NBPF3: variants seen among roughly 807,000 people sequenced by gnomAD.
NBPF3 encodes NBPF member 3.
NBPF3 carries 57 observed loss-of-function variants against 78.1 expected under a neutral mutation model. The observed-to-expected ratio is 0.73, with a 90% CI of 0.59 to 0.91. The LOEUF is 0.91. Among genes scored for constraint, NBPF3 ranks in the 40% least tolerant of loss-of-function variants. NBPF3 has a pLI of 0.00. For synonymous variants in NBPF3, 182 were observed against 271.7 expected (o/e 0.67, Z 3.25); for missense variants, 510 against 715.3 (o/e 0.71, Z 3.27).
chr1:21,471,185 C>T (rs1188978342), intron 4 of NBPF3, among the ~76,000 whole-genome samples: 1 of 152,204 alleles, frequency 6.6e-6, no homozygotes, highest in African/African-American at 2.4e-5. Flanking sequence ...CACCTGGCCT[C>T]ATTTCTGTCC....
Position 21,467,268 on chromosome 1 carries a change from G to T in NBPF3, c.134-1420G>T, listed in dbSNP as rs1642325534. Reference sequence around the variant, plus strand: ...CTCCTTCCTTCACTACCACATGAATGCTGGGCAGCCCAGGATCACACTCAC... The same window carrying T: ...CTCCTTCCTTCACTACCACATGAATTCTGGGCAGCCCAGGATCACACTCAC... On this transcript the variant is annotated intron_variant, in intron 2 of 14. Transcript: ENST00000318249. 9.1e-6 allele frequency: 9 copies of T among 985,272 alleles called. No individual in the cohort carries two copies. In the South Asian group the frequency reaches 4.2e-4, roughly 46 times the overall value. The allele number at this position is 985,272 out of a possible 1,614,324, so 61.0% of individuals were successfully genotyped here.
intron 9 of NBPF3, among the ~76,000 whole-genome samples, chr1:21,478,655 A>C (rs1292954541): frequency 6.6e-6 from 1 of 152,214 alleles, no homozygotes; most frequent in Non-Finnish European, 1.5e-5. Context: ...GTCTCTTGCC[A>C]GCTACAAAGT....
chr1:21,437,490 G>A, upstream of NBPF3: 1 of 1,461,556 alleles, frequency 6.8e-7, no homozygotes, highest in East Asian at 2.5e-5. Context: ...GACGCCCAGC[G>A]CGAGGTGCAG....
chr1:21,456,507 A>G (rs1641611807), intron 2 of NBPF3, among the ~76,000 whole-genome samples: 1 of 152,202 alleles, frequency 6.6e-6, no homozygotes, highest in African/African-American at 2.4e-5. Flanking sequence ...AAAAGTTTAT[A>G]ATTAAAAAAA....
chr1:21,447,687 A>T (rs1413511797), intron 2 of NBPF3, among the ~76,000 whole-genome samples: 2 of 152,238 alleles, frequency 1.3e-5, no homozygotes, highest in Admixed American at 1.3e-4. Flanking sequence ...AGTTTTGGCA[A>T]TTATGAATAA....
intron 2 of NBPF3, among the ~76,000 whole-genome samples, chr1:21,456,067 A>G (rs568301821): frequency 6.6e-6 from 1 of 152,188 alleles, no homozygotes; most frequent in South Asian, 2.1e-4. Context: ...CAAAATCCAC[A>G]AAGGGGTGGA....
chr1:21,463,083 T>G (rs1399081022), intron 2 of NBPF3, among the ~76,000 whole-genome samples: 3 of 152,228 alleles, frequency 2.0e-5, no homozygotes, highest in Non-Finnish European at 4.4e-5. Context: ...AGAGAGGACC[T>G]AGTTCATATT....
At chr1:21,468,998 C>T (rs567027888) in intron 3 of NBPF3, 101 bp downstream of exon 3, 2 of 935,624 alleles carry the variant, frequency 2.1e-6, no homozygotes, top group East Asian at 2.5e-5. Context: ...TTCAACCCTC[C>T]CATACTTCTA....
chr1:21,449,629 C>T (rs1460858201), intron 2 of NBPF3, among the ~76,000 whole-genome samples: 1 of 152,022 alleles, frequency 6.6e-6, no homozygotes, highest in Non-Finnish European at 1.5e-5. Flanking sequence ...TGCCACCACG[C>T]CTGGCTAATT....
chr1:21,471,080 G>A (rs1642566278), intron 4 of NBPF3, among the ~76,000 whole-genome samples: 1 of 151,906 alleles, frequency 6.6e-6, no homozygotes, highest in African/African-American at 2.4e-5. Flanking sequence ...GTCAGAATCA[G>A]CTCCTGACTG....
At chr1:21,481,136 A>G (rs1643202373) in intron 12 of NBPF3, among the ~76,000 whole-genome samples, 155 bp downstream of exon 12, 1 of 148,694 alleles carries the variant, frequency 6.7e-6, no homozygotes, top group African/African-American at 2.5e-5. Flanking sequence ...ATTGCAGTAG[A>G]TATTTAGGTT....
chr1:21,471,330 GAA>G (rs1454017689), intron 4 of NBPF3, among the ~76,000 whole-genome samples: 1 of 152,210 alleles, frequency 6.6e-6, no homozygotes, highest in African/African-American at 2.4e-5. Flanking sequence ...TTTGTTGACA[GAA>G]GAGAAAGATG....
intron 2 of NBPF3, among the ~76,000 whole-genome samples, chr1:21,452,650 G>T (rs1641377822): frequency 6.6e-6 from 1 of 152,232 alleles, no homozygotes; most frequent in African/African-American, 2.4e-5. Context: ...GAAGCGTCTT[G>T]CAGAAGCAAA....
intron 2 of NBPF3, among the ~76,000 whole-genome samples, chr1:21,463,617 A>G (rs562305456): frequency 2.0e-5 from 3 of 152,382 alleles, no homozygotes; most frequent in African/African-American, 7.2e-5. Flanking sequence ...GGACTTCATT[A>G]AAATAAAAAA....
At position 21,473,477 on chromosome 1, in the gene NBPF3, C is replaced by A. The variant is rs993028908; in HGVS notation, c.832C>A (p.Gln278Lys). 2 of 1,614,072 alleles carry A rather than the reference C, an allele frequency of 1.2e-6. No homozygotes were observed. The highest frequency in any genetic ancestry group is 1.3e-5 in the African/African-American group (1 of 74,920). ...SNSHHPCESN[Q>K]PYGNTRITFE... ...TAGCCACCACCCTTGTGAGTCCAAC[C>A]AGCCTTACGGGAACACCAGAATCAC... Residue 278 changes from glutamine (Q) to lysine (K), a missense_variant, in exon 7 of 15, where the codon CAG (glutamine) becomes AAG (lysine). This residue lies in a region of NBPF3 where 440 missense variants were observed against 478.2 expected (regional missense o/e 0.92). Transcript: ENST00000318249.
chr1:21,473,607 C>T (rs752344449), intron 7 of NBPF3, 22 bp downstream of exon 7: 60 of 1,590,266 alleles, frequency 3.8e-5, no homozygotes, highest in Non-Finnish European at 4.8e-5. Context: ...TTTCCTGTGT[C>T]TCACACCTTT....
At chr1:21,482,377 T>A in intron 13 of NBPF3, 107 bp from the exon 14 acceptor site, 1 of 139,322 alleles carries the variant, frequency 7.2e-6, no homozygotes, top group South Asian at 1.1e-4. Context: ...AGTGTCCTAT[T>A]CTTATGCTGA....
intron 2 of NBPF3, chr1:21,451,853 G>C: frequency 1.4e-6 from 1 of 707,788 alleles, no homozygotes; most frequent in Non-Finnish European, 1.8e-6. Context: ...TGGGAATCCA[G>C]TGTTAATGCC....
chr1:21,471,665 G>C lies in NBPF3; in HGVS notation c.543G>C (p.Gln181His). ...GAGATGCCTCCCGCTCATTGAATCA[G>C]CATCTCCAGGCCCTCCTCACTCCGG... Reference protein sequence around the residue: ...EGRDASRSLNQHLQALLTPDE... With the variant: ...EGRDASRSLNHHLQALLTPDE... Residue 181 changes from glutamine to histidine, a missense_variant, in exon 5 of 15, where the codon CAG becomes CAC. By Grantham distance (24) the Gln-to-His change is conservative. Transcript: ENST00000318249. The C allele has an allele frequency of 6.2e-7, 1 of 1,613,268 alleles. No homozygotes were observed. Among genetic ancestry groups the C allele is most frequent in the Non-Finnish European group, 8.5e-7 (1 of 1,179,850 alleles).
Sources: gnomAD v4.1 joint callset for allele counts (sites outside exome capture counted in the v4.1 genomes callset) on GRCh38, gnomAD v4.1.1 for gene constraint, gnomAD v4.1.1 regional missense constraint, MANE v1.5 for transcripts, NCBI Gene and HGNC (gene_info 2026-07-23, HGNC 2026-07-21) for gene names.